PDE1C: variants seen among roughly 807,000 people sequenced by gnomAD.
PDE1C encodes the protein dual specificity calcium/calmodulin-dependent 3',5'-cyclic nucleotide phosphodiesterase 1C.
Under a neutral mutation model 93.1 loss-of-function variants are expected in PDE1C, and 62 were observed. The observed-to-expected ratio is 0.67, with a 90% CI of 0.54 to 0.82. The LOEUF (loss-of-function observed/expected upper bound fraction) is 0.82. Ranked by LOEUF, PDE1C falls within the 40% of genes least tolerant of loss-of-function variation. The pLI, the probability that PDE1C is intolerant of heterozygous loss-of-function variation, is 0.00. For missense variants in PDE1C, 742 were observed against 884.6 expected, an observed-to-expected ratio of 0.84 and a Z score of 2.04; for synonymous variants, 325 against 310.1, an observed-to-expected ratio of 1.05 and a Z score of -0.50.
chr7:32,243,953 G>C (rs1808726600), intron 1 of PDE1C, among the ~76,000 whole-genome samples: 1 of 152,194 alleles, frequency 6.6e-6, no homozygotes, highest in South Asian at 2.1e-4. Context: ...TTACATGTCA[G>C]TGAGTTTCCA....
intron 3 of PDE1C, among the ~76,000 whole-genome samples, chr7:32,168,657 G>A (rs1486376753): frequency 6.6e-6 from 1 of 152,032 alleles, no homozygotes; most frequent in Non-Finnish European, 1.5e-5. Context: ...ACCTTATGAT[G>A]CAATAACCAA....
intron 1 of PDE1C, among the ~76,000 whole-genome samples, chr7:32,370,761 A>T (rs1254696504): frequency 6.7e-6 from 1 of 149,874 alleles, no homozygotes; most frequent in Admixed American, 6.8e-5. Context: ...CGTTGTGCAC[A>T]TGTACCCTAG....
chr7:32,365,943 A>G (rs1409577825), intron 1 of PDE1C, among the ~76,000 whole-genome samples: 1 of 152,164 alleles, frequency 6.6e-6, no homozygotes, highest in Non-Finnish European at 1.5e-5. Context: ...TTCACTACAA[A>G]ACCTGCTCCA....
intron 2 of PDE1C, among the ~76,000 whole-genome samples, chr7:32,017,287 A>T (rs1203939571): frequency 6.6e-6 from 1 of 152,204 alleles, no homozygotes; most frequent in East Asian, 1.9e-4. Flanking sequence ...GGACAAGCGA[A>T]CATCTGTACA....
At position 32,347,584 on chromosome 7, in the gene PDE1C, C is replaced by A. The variant is rs369445066; in HGVS notation, c.310+80238G>T. On this transcript the variant is annotated intron_variant, in intron 1 of 1. Coordinates refer to the PDE1C transcript ENST00000672256. Reference sequence around the variant, plus strand: ...AAAAGAAAGAGCATCATGGGTGGGCCTGACTTAATAAAGCGAGGGCCCTCC... The same window carrying A: ...AAAAGAAAGAGCATCATGGGTGGGCATGACTTAATAAAGCGAGGGCCCTCC... Among the ~76,000 whole-genome samples, 7 of 152,218 alleles carry A rather than the reference C, an allele frequency of 4.6e-5. 1 individual carries two copies. The highest frequency in any genetic ancestry group is 1.9e-4 in the East Asian group (1 of 5,170).
chr7:32,372,388 G>C (rs1376946177), intron 1 of PDE1C, among the ~76,000 whole-genome samples: 1 of 152,070 alleles, frequency 6.6e-6, no homozygotes, highest in Admixed American at 6.6e-5. Flanking sequence ...CAATTCAATG[G>C]GGAAAGAATA....
At chr7:31,747,181 C>A (rs1235862883), downstream of PDE1C, among the ~76,000 whole-genome samples, 1 of 152,196 alleles carries the variant, frequency 6.6e-6, no homozygotes, top group East Asian at 1.9e-4. Flanking sequence ...AACAAAGGGG[C>A]ACACCAGAAA....
intron 2 of PDE1C, among the ~76,000 whole-genome samples, chr7:32,170,878 C>T (rs1037796237): frequency 1.4e-4 from 21 of 152,124 alleles, no homozygotes; most frequent in African/African-American, 4.8e-4. Flanking sequence ...ATAGGACTTT[C>T]TCACCCCTGA....
intron 2 of PDE1C, among the ~76,000 whole-genome samples, chr7:31,955,095 G>C (rs146296449): frequency 1.9e-4 from 29 of 152,302 alleles, no homozygotes; most frequent in Admixed American, 1.8e-3. Context: ...CGCCCCAACA[G>C]ACCTGGCAAT....
chr7:31,829,595 G>A (rs1562878707), intron 11 of PDE1C, among the ~76,000 whole-genome samples: 1 of 152,110 alleles, frequency 6.6e-6, no homozygotes, highest in African/African-American at 2.4e-5. Flanking sequence ...GACGGAAAAG[G>A]GGTGTGTGTC....
At chr7:32,078,795 T>G (rs1302283872) in intron 3 of PDE1C, among the ~76,000 whole-genome samples, 5 of 151,880 alleles carry the variant, frequency 3.3e-5, no homozygotes, top group Non-Finnish European at 5.9e-5. Context: ...GGTGTGGTGG[T>G]GCACACCTGT....
At chr7:32,384,318 T>A (rs2128091040) in intron 1 of PDE1C, among the ~76,000 whole-genome samples, 1 of 152,302 alleles carries the variant, frequency 6.6e-6, no homozygotes, top group South Asian at 2.1e-4. Flanking sequence ...GCAGCTTACA[T>A]CCCAGCCTGA....
In PDE1C at chr7:31,823,590, C is replaced by T. The variant is rs1382281984; in HGVS notation, c.1407-342G>A. ...TGACTAATTTGAACTGGGACATCTA[C>T]TTAATTCCACAGTTCACCTACCTGC... On this transcript the variant is annotated intron_variant, in intron 13 of 17. Transcript: ENST00000396191. Among the ~76,000 whole-genome samples the T allele has an allele frequency of 1.3e-5, 2 of 152,104 alleles. 1 individual carries two copies. The highest frequency in any genetic ancestry group is 1.3e-4 in the Admixed American group (2 of 15,258).
chr7:31,808,618 A>G (rs1027745955), intron 16 of PDE1C, among the ~76,000 whole-genome samples: 2 of 151,984 alleles, frequency 1.3e-5, no homozygotes, highest in African/African-American at 4.8e-5. Flanking sequence ...AACTAGTTCA[A>G]GGAAAAAAAA....
intron 3 of PDE1C, among the ~76,000 whole-genome samples, chr7:32,163,447 G>A (rs1282338642): frequency 6.6e-6 from 1 of 152,162 alleles, no homozygotes; most frequent in African/African-American, 2.4e-5. Context: ...GATCTGACAA[G>A]GCCTTAATCT....
chr7:32,059,165 C>T (rs980554216), intron 1 of PDE1C, among the ~76,000 whole-genome samples: 1 of 152,114 alleles, frequency 6.6e-6, no homozygotes, highest in Non-Finnish European at 1.5e-5. Context: ...ATAGAGGACT[C>T]CAGTATGTTT....
intron 2 of PDE1C, among the ~76,000 whole-genome samples, chr7:32,177,512 CT>C (rs1426753454): frequency 1.3e-5 from 2 of 152,160 alleles, no homozygotes; most frequent in Non-Finnish European, 2.9e-5. Flanking sequence ...AGGGGTGTGC[CT>C]TTCAAATACA....
At chr7:32,233,570 G>T (rs1214125137) in intron 1 of PDE1C, among the ~76,000 whole-genome samples, 1 of 152,068 alleles carries the variant, frequency 6.6e-6, no homozygotes, top group Non-Finnish European at 1.5e-5. Context: ...CAGAATAAAG[G>T]AAAGCCACCA....
At chr7:32,214,879 T>C (rs1302331850) in intron 1 of PDE1C, among the ~76,000 whole-genome samples, 5 of 152,120 alleles carry the variant, frequency 3.3e-5, no homozygotes, top group Non-Finnish European at 5.9e-5. Flanking sequence ...GTTGCAACAA[T>C]GGATTCCACC....
Sources: gnomAD v4.1 joint callset for allele counts (sites outside exome capture counted in the v4.1 genomes callset) on GRCh38, gnomAD v4.1.1 for gene constraint, MANE v1.5 for transcripts, NCBI Gene and HGNC (gene_info 2026-07-23, HGNC 2026-07-21) for gene names.